ZNRF3: variants seen among roughly 807,000 people sequenced by gnomAD.
The protein encoded by ZNRF3 is E3 ubiquitin-protein ligase ZNRF3.
ZNRF3 carries 23 observed loss-of-function variants against 72.5 expected under a neutral mutation model. That is an observed-to-expected ratio of 0.32 (90% confidence interval 0.23 to 0.45). The LOEUF (loss-of-function observed/expected upper bound fraction) is 0.45. Ranked by LOEUF, ZNRF3 falls within the 20% of genes least tolerant of loss-of-function variation. The pLI, the probability that ZNRF3 is intolerant of heterozygous loss-of-function variation, is 1.00. For missense variants in ZNRF3, 1,169 were observed against 1,272.1 expected (o/e 0.92, Z 1.23); for synonymous variants, 610 against 545.3 (o/e 1.12, Z -1.65).
chr22:28,949,769 G>C (rs965408379), intron 1 of ZNRF3, among the ~76,000 whole-genome samples: 1 of 152,198 alleles, frequency 6.6e-6, no homozygotes, highest in Non-Finnish European at 1.5e-5. Flanking sequence ...GAAAATGCCT[G>C]CCCTGCACTC....
chr22:29,027,637 G>A (rs2036665668), intron 2 of ZNRF3, among the ~76,000 whole-genome samples: 1 of 152,152 alleles, frequency 6.6e-6, no homozygotes, highest in African/African-American at 2.4e-5. Flanking sequence ...CTCATGCTGT[G>A]TCATCATTTC....
At chr22:29,020,776 G>GGTGTGTGTGTGTGTGT (rs3037492) in intron 2 of ZNRF3, among the ~76,000 whole-genome samples, 2 of 86,156 alleles carry the variant, frequency 2.3e-5, no homozygotes, top group East Asian at 3.9e-4. Flanking sequence ...TGTGTGTGTG[G>GGTGTGTGTGTGTGTGT]GTGTGTGTGT....
At chr22:29,015,612 G>T (rs2036416534) in intron 2 of ZNRF3, among the ~76,000 whole-genome samples, 1 of 150,462 alleles carries the variant, frequency 6.6e-6, no homozygotes, top group African/African-American at 2.5e-5. Context: ...AGAGGTTCCA[G>T]TGAGCTGAGA....
chr22:28,970,958 A>C (rs1323311839), intron 1 of ZNRF3, among the ~76,000 whole-genome samples: 1 of 152,214 alleles, frequency 6.6e-6, no homozygotes, highest in African/African-American at 2.4e-5. Flanking sequence ...AGATGTCTGC[A>C]CCTGTCAAAA....
chr22:28,971,800 G>A (rs887035994), intron 1 of ZNRF3, among the ~76,000 whole-genome samples: 1 of 152,104 alleles, frequency 6.6e-6, no homozygotes, highest in Admixed American at 6.5e-5. Flanking sequence ...TTGAACTCCT[G>A]GGCATAAGCA....
intron 2 of ZNRF3, among the ~76,000 whole-genome samples, chr22:29,017,778 C>T (rs2036462144): frequency 1.3e-5 from 2 of 152,122 alleles, no homozygotes; most frequent in South Asian, 4.2e-4. Flanking sequence ...AAACAGAAAG[C>T]TTATATCCGT....
intron 1 of ZNRF3, among the ~76,000 whole-genome samples, chr22:28,896,434 C>G (rs1195537972): frequency 1.3e-5 from 2 of 151,890 alleles, no homozygotes; most frequent in African/African-American, 4.8e-5. Context: ...CGCCTGGCCC[C>G]TATATTTTTA....
intron 1 of ZNRF3, chr22:28,917,569 C>A: frequency 4.1e-6 from 2 of 490,740 alleles, no homozygotes; most frequent in Non-Finnish European, 5.3e-6. Flanking sequence ...GCTCTTATAG[C>A]TGGGTGCCTA....
At chr22:29,021,258 AAAAAT>A (rs1209540636) in intron 2 of ZNRF3, among the ~76,000 whole-genome samples, 11 of 152,050 alleles carry the variant, frequency 7.2e-5, no homozygotes, top group Non-Finnish European at 1.2e-4. Flanking sequence ...ATAAATAAAT[AAAAAT>A]AAAATAAAAT....
intron 2 of ZNRF3, among the ~76,000 whole-genome samples, chr22:29,010,736 C>G (rs1395812974): frequency 6.6e-6 from 1 of 152,206 alleles, no homozygotes; most frequent in Non-Finnish European, 1.5e-5. Context: ...ATGCTACCAT[C>G]TCAACTCACT....
Position 28,984,405 on chromosome 22 carries a change from C to T in ZNRF3, c.301-2671C>T, listed in dbSNP as rs540498418. On this transcript the variant is annotated intron_variant, in intron 1 of 8. Coordinates refer to ENST00000544604, the MANE Select transcript of ZNRF3 (RefSeq NM_001206998.2). ...ACATGTAATGGAATCATACAATATG[C>T]GGTGTTTTGTGCCTGGCTTCTTTCT... Among the ~76,000 whole-genome samples the T allele has an allele frequency of 2.6e-5, 4 of 152,252 alleles. No homozygotes were observed. In the South Asian group the frequency reaches 6.2e-4, roughly 24 times the overall value.
In ZNRF3 at chr22:29,044,902, G is replaced by A. The variant is rs760217764; in HGVS notation, c.744+12G>A. 9 of 1,593,508 alleles carry A rather than the reference G, an allele frequency of 5.6e-6. No homozygotes were observed. Among genetic ancestry groups the A allele is most frequent in the Non-Finnish European group, 6.0e-6 (7 of 1,161,506 alleles). On this transcript the variant is annotated intron_variant, in intron 5 of 8. Transcript: ENST00000544604. Reference sequence around the variant, plus strand: ...AGCGACGCAGTCAGGTAGTGCCTCTGTGTGTAGCCCGTGAGCAGTAACCCC... The same window carrying A: ...AGCGACGCAGTCAGGTAGTGCCTCTATGTGTAGCCCGTGAGCAGTAACCCC...
rs141629490 is a variant in ZNRF3 at position 29,052,552 on chromosome 22, G to T, written c.2768-1027G>T. 7.0e-3 allele frequency among the ~76,000 whole-genome samples: 1,072 copies of T among 152,286 alleles called. 11 individuals are homozygous for T. The highest frequency in any genetic ancestry group is 0.011 in the Non-Finnish European group (739 of 68,026). ...TAATAAAAATATGAAAATTAGCCGG[G>T]CGTGGTGGCGTGTGCCTGTAGTTCT... On this transcript the variant is annotated intron_variant, in intron 8 of 8. Coordinates refer to ENST00000544604, the MANE Select transcript of ZNRF3 (RefSeq NM_001206998.2).
At chr22:28,992,789 G>A (rs2035979611) in intron 2 of ZNRF3, 12 of 152,222 alleles carry the variant, frequency 7.9e-5, no homozygotes, top group Admixed American at 7.9e-4. Flanking sequence ...GGTTCAGCTG[G>A]AAGAAACTCA....
intron 2 of ZNRF3, among the ~76,000 whole-genome samples, chr22:29,040,241 G>A (rs974550894): frequency 6.6e-6 from 1 of 151,806 alleles, no homozygotes; most frequent in African/African-American, 2.4e-5. Flanking sequence ...GTGCCGTGGT[G>A]CGATCTCGGC....
chr22:29,046,612 A>C, intron 5 of ZNRF3, 104 bp from the exon 6 acceptor site: 9 of 1,259,096 alleles, frequency 7.1e-6, no homozygotes, highest in South Asian at 2.0e-5. Flanking sequence ...CCGGCATGAT[A>C]GAGAATTGTC....
At chr22:28,992,322 G>C (rs932569858) in intron 2 of ZNRF3, among the ~76,000 whole-genome samples, 2 of 152,042 alleles carry the variant, frequency 1.3e-5, no homozygotes. Context: ...AGAGGAATTT[G>C]CTCTGAGGAT....
rs536714409 is a variant in ZNRF3 at position 29,046,653 on chromosome 22, C to T, written c.745-63C>T. 6.2e-6 allele frequency: 9 copies of T among 1,461,600 alleles called. No homozygotes were observed. The African/African-American group carries it at 8.5e-5, about 14-fold the overall frequency. The allele number at this position is 1,461,600 out of a possible 1,614,324, so 90.5% of individuals were successfully genotyped here. ...GTCCCAGTGAATCGTGTGTCATGTC[C>T]CTGGGGTGACTGCCACTTTCATACG... is the stretch of plus-strand genomic sequence containing the variant. On this transcript the variant is annotated intron_variant, in intron 5 of 8. Transcript: ENST00000544604.
intron 1 of ZNRF3, among the ~76,000 whole-genome samples, chr22:28,952,230 G>A (rs1301456409): frequency 6.6e-6 from 1 of 152,190 alleles, no homozygotes; most frequent in Non-Finnish European, 1.5e-5. Context: ...AGATGTTGTT[G>A]TACTTGCATT....
Sources: allele counts gnomAD v4.1 joint callset (sites outside exome capture counted in the v4.1 genomes callset), GRCh38; gene constraint gnomAD v4.1.1; transcripts MANE v1.5; gene names NCBI Gene and HGNC (gene_info 2026-07-23, HGNC 2026-07-21).